Variants in AHRR observed in about 807,000 individuals in gnomAD.
The protein encoded by AHRR is aryl hydrocarbon receptor repressor.
In AHRR, 28 loss-of-function variants were observed where a neutral mutation model predicts 44.0. The observed-to-expected ratio is 0.64, with a 90% CI of 0.47 to 0.87. AHRR has a LOEUF of 0.87. Among genes scored for constraint, AHRR ranks in the 40% least tolerant of loss-of-function variants. AHRR has a pLI of 0.00. For missense variants in AHRR, 990 were observed against 953.9 expected (o/e 1.04, Z -0.50); for synonymous variants, 434 against 407.0 (o/e 1.07, Z -0.80).
intron 1 of AHRR, among the ~76,000 whole-genome samples, chr5:332,988 A>G (rs975147062): frequency 7.2e-6 from 1 of 138,516 alleles, no homozygotes; most frequent in African/African-American, 3.0e-5. Flanking sequence ...TGATATGAGT[A>G]TAGCTACTGC....
intron 1 of AHRR, among the ~76,000 whole-genome samples, chr5:325,430 C>T (rs181280675): frequency 6.6e-6 from 1 of 152,216 alleles, no homozygotes; most frequent in Non-Finnish European, 1.5e-5. Flanking sequence ...TTGGGTGCGG[C>T]TTGGGAGTTT....
At chr5:343,559 G>C in intron 1 of AHRR, 1 of 349,110 alleles carries the variant, frequency 2.9e-6, no homozygotes, top group Non-Finnish European at 5.2e-6. Flanking sequence ...CCCGTTCCTG[G>C]CTTCCTCGAT....
Position 434,634 on chromosome 5 carries a change from C to CA in AHRR, c.1895dup (p.His632GlnfsTer10), listed in dbSNP as rs1168723517. The CA allele has an allele frequency of 1.3e-6, 2 of 1,562,424 alleles. No individual in the cohort carries two copies. Among genetic ancestry groups the CA allele is most frequent in the African/African-American group, 2.7e-5 (2 of 73,596 alleles). On this transcript the variant is annotated frameshift_variant, in exon 11 of 11. Transcript: ENST00000684583. ...CGGCCTTCCCCAGTCGGAGCCTCCCCACCAGCTCTGTGCACGGGGCCGAGG... is the reference window on the plus strand; with the variant it reads ...CGGCCTTCCCCAGTCGGAGCCTCCCCAACCAGCTCTGTGCACGGGGCCGAGG...
intron 3 of AHRR, among the ~76,000 whole-genome samples, chr5:376,406 C>T (rs1395176017): frequency 3.0e-5 from 1 of 33,834 alleles, no homozygotes; most frequent in African/African-American, 5.2e-5. Context: ...GATCTGAGGC[C>T]TGTGTCTCAG....
intron 5 of AHRR, among the ~76,000 whole-genome samples, chr5:415,614 C>T (rs13176336): frequency 0.25 from 15,667 of 63,664 alleles, 528 homozygotes; most frequent in Admixed American, 0.31. Flanking sequence ...CCTGGTGGGG[C>T]GGGAGGCCTA....
At chr5:351,153 T>A (rs1742845393) in intron 2 of AHRR, among the ~76,000 whole-genome samples, 1 of 152,054 alleles carries the variant, frequency 6.6e-6, no homozygotes, top group South Asian at 2.1e-4. Flanking sequence ...ACATTGCCGA[T>A]GGGAAAGTAA....
chr5:414,882 C>T (rs1735648548), intron 5 of AHRR, among the ~76,000 whole-genome samples: 1 of 152,208 alleles, frequency 6.6e-6, no homozygotes, highest in Non-Finnish European at 1.5e-5. Flanking sequence ...GCAGTGTTAA[C>T]CAGTAGCACC....
chr5:336,915 C>T (rs1742157697), intron 1 of AHRR, among the ~76,000 whole-genome samples: 1 of 151,952 alleles, frequency 6.6e-6, no homozygotes, highest in Admixed American at 6.5e-5. Flanking sequence ...CAAGGCCTTG[C>T]TTGCTACCTT....
chr5:414,586 G>T (rs991914704), intron 5 of AHRR, among the ~76,000 whole-genome samples: 4 of 152,202 alleles, frequency 2.6e-5, no homozygotes, highest in African/African-American at 9.7e-5. Flanking sequence ...TAGATGGTGA[G>T]CAGGAGCCAG....
intron 4 of AHRR, among the ~76,000 whole-genome samples, chr5:399,661 G>A (rs1480861260): frequency 6.6e-6 from 1 of 152,200 alleles, no homozygotes; most frequent in African/African-American, 2.4e-5. Context: ...CAGCAAAGGT[G>A]AGGGCGGAGG....
chr5:377,034 C>T (rs1194765390), intron 4 of AHRR, among the ~76,000 whole-genome samples: 1 of 152,180 alleles, frequency 6.6e-6, no homozygotes, highest in Non-Finnish European at 1.5e-5. Context: ...GTGAGAGAAC[C>T]TTGTACAAAA....
rs145068178 is a variant in AHRR, at chr5:424,422, C to T, written c.708+445C>T. ...GCGAGGGCCGGTGCTGAGCTCTGTG[C>T]ACCCTGTGATGGTATGGGGGTGTTA... On this transcript the variant is annotated intron_variant, in intron 7 of 10. Transcript: ENST00000684583. 6.9e-3 allele frequency among the ~76,000 whole-genome samples: 722 copies of T among 104,184 alleles called. 6 individuals are homozygous for T. The highest frequency in any genetic ancestry group is 0.01 in the Admixed American group (97 of 9,606). The allele number at this position is 104,184 out of a possible 152,430, so 68.3% of individuals were successfully genotyped here.
intron 4 of AHRR, among the ~76,000 whole-genome samples, chr5:399,245 C>T (rs189907270): frequency 6.6e-5 from 10 of 152,306 alleles, no homozygotes; most frequent in East Asian, 5.8e-4. Context: ...GCTTAGGGAT[C>T]GGCAGGGGTG....
intron 3 of AHRR, among the ~76,000 whole-genome samples, chr5:376,304 G>C (rs541657780): frequency 6.6e-6 from 1 of 152,288 alleles, no homozygotes; most frequent in African/African-American, 2.4e-5. Context: ...GGAGGGGACA[G>C]AGAGCAGTTT....
chr5:410,536 C>T (rs1370848813), intron 4 of AHRR, among the ~76,000 whole-genome samples: 2 of 132,030 alleles, frequency 1.5e-5, no homozygotes, highest in Non-Finnish European at 3.2e-5. Flanking sequence ...ATCAGCTTGT[C>T]GCTTTCTATA....
At chr5:429,376 G>A (rs907212903) in intron 8 of AHRR, among the ~76,000 whole-genome samples, 3 of 152,216 alleles carry the variant, frequency 2.0e-5, no homozygotes, top group African/African-American at 4.8e-5. Context: ...AATCGTGCAG[G>A]ACCCCTTCCC....
At chr5:403,642 A>G in intron 4 of AHRR, 1 of 467,232 alleles carries the variant, frequency 2.1e-6, no homozygotes, top group Non-Finnish European at 3.8e-6. Flanking sequence ...CGTTTCAGAA[A>G]AAAAAAAAAA....
chr5:431,582 GCAGCCTC>G (rs1736733277), intron 8 of AHRR, among the ~76,000 whole-genome samples: 1 of 152,156 alleles, frequency 6.6e-6, no homozygotes, highest in Non-Finnish European at 1.5e-5. Context: ...GGCAGTGGCA[GCAGCCTC>G]CAGCGGCCCC....
intron 8 of AHRR, among the ~76,000 whole-genome samples, chr5:429,577 G>A (rs1323565442): frequency 3.3e-5 from 5 of 152,296 alleles, no homozygotes; most frequent in African/African-American, 7.2e-5. Flanking sequence ...ACTTGTCCTC[G>A]GCCCCTCGGC....
Sources: gnomAD v4.1 joint callset for allele counts (sites outside exome capture counted in the v4.1 genomes callset) on GRCh38, gnomAD v4.1.1 for gene constraint, MANE v1.5 for transcripts, NCBI Gene and HGNC (gene_info 2026-07-23, HGNC 2026-07-21) for gene names.